Variants in FRY observed in about 807,000 individuals in gnomAD.
FRY encodes the protein FRY microtubule binding protein, also known as protein furry homolog.
In FRY, 128 loss-of-function variants were observed where a neutral mutation model predicts 348.4. The ratio of observed to expected loss-of-function variants is 0.37; its 90% CI spans 0.32 to 0.43. FRY has a LOEUF of 0.43. FRY is among the 20% of genes least tolerant of loss of function. The probability of loss-of-function intolerance (pLI) is 1.00; values close to 1 mark genes in which losing one functional copy is unlikely to be tolerated. For synonymous variants in FRY, 1,370 were observed against 1,374.7 expected (o/e 1.00, Z 0.08); for missense variants, 2,736 against 3,695.2 (o/e 0.74, Z 6.73).
chr13:32,170,810 T>G (rs1342495904), intron 17 of FRY, among the ~76,000 whole-genome samples: 1 of 152,192 alleles, frequency 6.6e-6, no homozygotes, highest in East Asian at 1.9e-4. Context: ...GTGCTGGGAT[T>G]ACAGGCGTGA....
chr13:32,041,238 A>AGCT (rs1274994976), intron 1 of FRY, among the ~76,000 whole-genome samples: 1 of 146,898 alleles, frequency 6.8e-6, no homozygotes, highest in Non-Finnish European at 1.5e-5. Flanking sequence ...ACATGGACTT[A>AGCT]GCTATAGTAT....
At chr13:32,125,000 C>T in intron 7 of FRY, 125 bp downstream of exon 7, 1 of 758,908 alleles carries the variant, frequency 1.3e-6, no homozygotes, top group Non-Finnish European at 2.4e-6. Flanking sequence ...CCATGTGTGC[C>T]CCATCTCTGA....
intron 59 of FRY, among the ~76,000 whole-genome samples, chr13:32,291,658 GC>G (rs1720016329): frequency 6.6e-6 from 1 of 152,056 alleles, no homozygotes; most frequent in Admixed American, 6.6e-5. Flanking sequence ...ACCTGCCTCG[GC>G]CCCCACAAAG....
At chr13:32,228,262 C>T (rs968227511) in intron 39 of FRY, among the ~76,000 whole-genome samples, 194 bp from the exon 40 acceptor site, 1 of 152,180 alleles carries the variant, frequency 6.6e-6, no homozygotes, top group African/African-American at 2.4e-5. Flanking sequence ...CTCATTTACA[C>T]AGCAGTGCAA....
intron 55 of FRY, among the ~76,000 whole-genome samples, chr13:32,274,089 G>A (rs1352617606): frequency 6.6e-6 from 1 of 152,158 alleles, no homozygotes; most frequent in Non-Finnish European, 1.5e-5. Flanking sequence ...CACGCATTGG[G>A]AAATGGTATT....
intron 1 of FRY, among the ~76,000 whole-genome samples, chr13:32,035,846 G>A (rs1872486109): frequency 6.6e-6 from 1 of 152,210 alleles, no homozygotes; most frequent in South Asian, 2.1e-4. Flanking sequence ...AGGTGTTGGT[G>A]TGCATTGTGA....
chr13:32,081,738 G>A (rs1187181423), intron 2 of FRY, among the ~76,000 whole-genome samples: 1 of 152,132 alleles, frequency 6.6e-6, no homozygotes, highest in Non-Finnish European at 1.5e-5. Context: ...CTACTTGTAG[G>A]CCAGCAAATG....
intron 16 of FRY, among the ~76,000 whole-genome samples, chr13:32,158,500 A>G (rs764080324): frequency 6.6e-6 from 1 of 152,248 alleles, no homozygotes; most frequent in Non-Finnish European, 1.5e-5. Context: ...AACGTTAAAA[A>G]TATTATCTAC....
At chr13:32,294,240 C>A in intron 59 of FRY, 128 bp from the exon 60 acceptor site, 1 of 691,814 alleles carries the variant, frequency 1.4e-6, no homozygotes, top group South Asian at 1.7e-5. Flanking sequence ...GTCATCTATC[C>A]TATCTGAATT....
At chr13:32,217,426 A>G (rs904301003) in intron 35 of FRY, among the ~76,000 whole-genome samples, 6 of 152,234 alleles carry the variant, frequency 3.9e-5, no homozygotes, top group Non-Finnish European at 8.8e-5. Flanking sequence ...TAGAAGCATA[A>G]TAACTAATAC....
At chr13:32,060,868 A>T (rs532289104) in intron 1 of FRY, 1 of 334,552 alleles carries the variant, frequency 3.0e-6, no homozygotes, top group South Asian at 2.5e-5. Flanking sequence ...TCCCATTGGT[A>T]TGAACAGTCT....
chr13:32,082,858 C>T (rs774015527), intron 2 of FRY, among the ~76,000 whole-genome samples: 1 of 151,958 alleles, frequency 6.6e-6, no homozygotes, highest in East Asian at 1.9e-4. Context: ...TCCCTGTTTA[C>T]TTTTATAGTT....
rs181776993 is a variant in FRY at position 32,299,012 on chromosome 13, G to C, written c.*3552G>C. 1 of 152,340 alleles carries C rather than the reference G, an allele frequency of 6.6e-6. No homozygotes were observed. The highest frequency in any genetic ancestry group is 1.5e-5 in the Non-Finnish European group (1 of 68,026). 9.4% of individuals were successfully genotyped at this position (152,340 alleles called of 1,614,324 possible). A position where few individuals can be genotyped will look rare whatever the true frequency, so the allele number is the denominator to read the frequency against. On this transcript the variant is annotated 3_prime_UTR_variant, in exon 61 of 61. Coordinates refer to ENST00000542859, the MANE Select transcript of FRY (RefSeq NM_023037.3). ...AAAGCTCTATAACAAAAGTTCCGTT[G>C]TGGTGGTTATACAGCATTGTGAATG...
In FRY at chr13:32,171,202, C is replaced by A. The variant is rs779395698; in HGVS notation, c.2083C>A (p.Gln695Lys). 8.1e-6 allele frequency: 13 copies of A among 1,612,704 alleles called. No individual in the cohort carries two copies. The highest frequency in any genetic ancestry group is 1.1e-5 in the Non-Finnish European group (13 of 1,179,020). Reference sequence around the variant, plus strand: ...GAAGTTGCTGCTGCAGCTGCTCACCCAGTGGAAACTAGTCATCCAGACACA... The same window carrying A: ...GAAGTTGCTGCTGCAGCTGCTCACCAAGTGGAAACTAGTCATCCAGACACA... ...SLKLLLQLLT[Q>K]WKLVIQTQGK... The change falls in exon 18 of 61, where the codon CAG (glutamine) becomes AAG (lysine). Residue 695 changes from glutamine (Q) to lysine (K), a missense_variant. Gln to Lys is a moderately conservative substitution (Grantham distance 53). Transcript: ENST00000542859.
At position 32,294,380 on chromosome 13, in the gene FRY, T is replaced by C. The variant is rs1280824620; in HGVS notation, c.8593T>C (p.Ser2865Pro). The C allele has an allele frequency of 1.9e-6, 3 of 1,612,536 alleles. No individual in the cohort carries two copies. The highest frequency in any genetic ancestry group is 2.5e-6 in the Non-Finnish European group (3 of 1,178,582). Residue 2865 changes from serine to proline, a missense_variant, in exon 60 of 61, where the codon TCC becomes CCC. This residue lies in a region of FRY where 157 missense variants were observed against 215.2 expected (regional missense o/e 0.73). Coordinates refer to ENST00000542859, the MANE Select transcript of FRY (RefSeq NM_023037.3). Reference sequence around the variant, plus strand: ...TTTTTTTAAATAGCTGCTGAATATGTCCAGGGAACTGAGTGACCTAAAGAA... The same window carrying C: ...TTTTTTTAAATAGCTGCTGAATATGCCCAGGGAACTGAGTGACCTAAAGAA... The part of the protein sequence containing the change: ...VSSMPELLNM[S>P]RELSDLKKHL...
intron 4 of FRY, among the ~76,000 whole-genome samples, 163 bp from the exon 5 acceptor site, chr13:32,124,123 C>A (rs1438748740): frequency 6.6e-6 from 1 of 152,144 alleles, no homozygotes; most frequent in Non-Finnish European, 1.5e-5. Flanking sequence ...CAGGCATGAG[C>A]CACTCCGCCC....
chr13:32,228,167 G>A (rs1049044891), intron 39 of FRY, among the ~76,000 whole-genome samples: 4 of 152,170 alleles, frequency 2.6e-5, no homozygotes, highest in Non-Finnish European at 5.9e-5. Flanking sequence ...ATACAAACAC[G>A]CATACATACC....
In FRY at chr13:32,296,879, GA is replaced by G. The variant is rs2072071221; in HGVS notation, c.*1424del. Reference sequence around the variant, plus strand: ...CCAATTCTCTGTAATCAACCAAAGAGAAAAATCAGAAAAAAGTGAGAGCTCT... The same window carrying G: ...CCAATTCTCTGTAATCAACCAAAGAGAAAATCAGAAAAAAGTGAGAGCTCT... On this transcript the variant is annotated 3_prime_UTR_variant, in exon 61 of 61. Coordinates refer to ENST00000542859, the MANE Select transcript of FRY (RefSeq NM_023037.3). 1 of 152,136 alleles carries G rather than the reference GA, an allele frequency of 6.6e-6. No homozygotes were observed. The highest frequency in any genetic ancestry group is 2.1e-4 in the South Asian group (1 of 4,832). 9.4% of individuals were successfully genotyped at this position (152,136 alleles called of 1,614,324 possible).
At chr13:32,226,047 G>T in intron 39 of FRY, 73 bp downstream of exon 39, 1 of 1,352,500 alleles carries the variant, frequency 7.4e-7, no homozygotes, top group Non-Finnish European at 1.1e-6. Context: ...GGTGCCAGTG[G>T]AGCCCAAGTT....
Sources: allele counts gnomAD v4.1 joint callset (sites outside exome capture counted in the v4.1 genomes callset), GRCh38; gene constraint gnomAD v4.1.1; regional missense constraint gnomAD v4.1.1; transcripts MANE v1.5; gene names NCBI Gene and HGNC (gene_info 2026-07-23, HGNC 2026-07-21).